Variants in DPYD observed in about 807,000 individuals in gnomAD.
DPYD encodes dihydropyrimidine dehydrogenase.
DPYD carries 109 observed loss-of-function variants against 116.2 expected under a neutral mutation model. The observed-to-expected ratio is 0.94, with a 90% CI of 0.80 to 1.10. The LOEUF (loss-of-function observed/expected upper bound fraction) is 1.10. Among genes scored for constraint, DPYD ranks in the 50% least tolerant of loss-of-function variants. DPYD has a pLI of 0.00. For synonymous variants in DPYD, 440 were observed against 432.0 expected (o/e 1.02, Z -0.23); for missense variants, 1,302 against 1,254.5 (o/e 1.04, Z -0.57).
chr1:97,320,004 C>T (rs1171486367), intron 16 of DPYD, among the ~76,000 whole-genome samples: 2 of 139,960 alleles, frequency 1.4e-5, no homozygotes, highest in African/African-American at 5.3e-5. Flanking sequence ...TCAATAGATG[C>T]AGAAAAGGCC....
intron 18 of DPYD, among the ~76,000 whole-genome samples, chr1:97,239,471 G>C (rs1352903324): frequency 6.6e-6 from 1 of 151,564 alleles, no homozygotes; most frequent in African/African-American, 2.4e-5. Flanking sequence ...AGCACCTATG[G>C]CTTTTTTTTT....
chr1:97,162,443 A>C (rs1219549282), intron 20 of DPYD, among the ~76,000 whole-genome samples: 2 of 152,186 alleles, frequency 1.3e-5, no homozygotes, highest in African/African-American at 4.8e-5. Flanking sequence ...GGACCTCTTC[A>C]AGGAGAACTA....
intron 20 of DPYD, among the ~76,000 whole-genome samples, chr1:97,142,787 A>T (rs542253623): frequency 1.5e-4 from 23 of 152,044 alleles, no homozygotes; most frequent in Non-Finnish European, 3.1e-4. Context: ...GCACTTGAAT[A>T]GTCTTGATTC....
At chr1:97,698,505 T>A (rs1661420566) in intron 6 of DPYD, among the ~76,000 whole-genome samples, 1 of 151,870 alleles carries the variant, frequency 6.6e-6, no homozygotes, top group South Asian at 2.1e-4. Flanking sequence ...CCTCTGTGAT[T>A]ATTGGGTATG....
intron 2 of DPYD, among the ~76,000 whole-genome samples, chr1:97,872,689 A>G (rs964980848): frequency 1.3e-5 from 2 of 151,998 alleles, no homozygotes; most frequent in Non-Finnish European, 2.9e-5. Flanking sequence ...AGCATATCAC[A>G]AACAAAGAAT....
At chr1:97,182,150 T>A (rs576715534) in intron 20 of DPYD, among the ~76,000 whole-genome samples, 1 of 152,120 alleles carries the variant, frequency 6.6e-6, no homozygotes, top group African/African-American at 2.4e-5. Flanking sequence ...ACTGATGAGA[T>A]GATCAGAAGC....
chr1:97,833,174 T>C (rs961059480), intron 2 of DPYD, among the ~76,000 whole-genome samples: 19 of 152,186 alleles, frequency 1.2e-4, no homozygotes, highest in Admixed American at 4.6e-4. Flanking sequence ...AGGAAACCAA[T>C]TTTAACAAAT....
intron 8 of DPYD, among the ~76,000 whole-genome samples, chr1:97,610,565 T>A (rs1655880981): frequency 6.6e-6 from 1 of 152,046 alleles, no homozygotes; most frequent in Non-Finnish European, 1.5e-5. Flanking sequence ...TGCTTCCAGG[T>A]CCTCTATTGA....
chr1:97,748,914 C>G (rs1230471646), intron 3 of DPYD, among the ~76,000 whole-genome samples: 2 of 152,162 alleles, frequency 1.3e-5, no homozygotes, highest in African/African-American at 4.8e-5. Context: ...ACACAATGTA[C>G]TGTGAAGCTT....
chr1:97,665,093 T>C (rs1047710983), intron 8 of DPYD, among the ~76,000 whole-genome samples: 9 of 152,146 alleles, frequency 5.9e-5, no homozygotes, highest in Non-Finnish European at 1.5e-5. Context: ...TCAGAAATTC[T>C]AGTAATATAG....
At chr1:97,712,893 T>C (rs1044940997) in intron 5 of DPYD, among the ~76,000 whole-genome samples, 1 of 152,100 alleles carries the variant, frequency 6.6e-6, no homozygotes, top group Non-Finnish European at 1.5e-5. Flanking sequence ...TTCTATGAGG[T>C]GGAGCTGAGT....
At chr1:97,778,631 T>A (rs1279384319) in intron 3 of DPYD, among the ~76,000 whole-genome samples, 1 of 152,166 alleles carries the variant, frequency 6.6e-6, no homozygotes, top group Admixed American at 6.5e-5. Context: ...TCTTAAAACA[T>A]GTAAACTCAC....
At position 97,399,261 on chromosome 1, in the gene DPYD, G is replaced by A. The variant is rs1399582452; in HGVS notation, c.1906-16800C>T. On this transcript the variant is annotated intron_variant, in intron 14 of 22. Coordinates refer to ENST00000370192, the MANE Select transcript of DPYD (RefSeq NM_000110.4). Reference sequence around the variant, plus strand: ...TGTCAAAGATCAGATAGTTGTAGATGTGTGGCATTATTTCTGAGGGCTCTG... The same window carrying A: ...TGTCAAAGATCAGATAGTTGTAGATATGTGGCATTATTTCTGAGGGCTCTG... Among the ~76,000 whole-genome samples, 23 of 152,072 alleles carry A rather than the reference G, an allele frequency of 1.5e-4. 1 individual carries two copies. Among genetic ancestry groups the A allele is most frequent in the Admixed American group, 6.6e-5 (1 of 15,252 alleles).
intron 4 of DPYD, among the ~76,000 whole-genome samples, chr1:97,728,487 T>G (rs899845848): frequency 1.3e-5 from 2 of 152,110 alleles, no homozygotes; most frequent in African/African-American, 4.8e-5. Context: ...CCCTGTCATA[T>G]GGTATAACTA....
intron 3 of DPYD, among the ~76,000 whole-genome samples, chr1:97,746,432 A>G (rs569674604): frequency 6.6e-6 from 1 of 152,252 alleles, no homozygotes; most frequent in South Asian, 2.1e-4. Flanking sequence ...AGCAAATAAA[A>G]TATCTTCATA....
At chr1:97,608,269 ATAACT>A (rs1021514178) in intron 8 of DPYD, among the ~76,000 whole-genome samples, 1 of 152,076 alleles carries the variant, frequency 6.6e-6, no homozygotes, top group Admixed American at 6.6e-5. Context: ...TAAAAGGGAC[ATAACT>A]TAATTTGTGT....
chr1:97,311,465 C>A (rs1288619247), intron 16 of DPYD, among the ~76,000 whole-genome samples: 1 of 151,664 alleles, frequency 6.6e-6, no homozygotes, highest in Non-Finnish European at 1.5e-5. Flanking sequence ...GGACAATGCT[C>A]ATTTAAACCA....
At chr1:97,179,722 T>C (rs1336645556) in intron 20 of DPYD, among the ~76,000 whole-genome samples, 2 of 152,094 alleles carry the variant, frequency 1.3e-5, no homozygotes, top group Non-Finnish European at 2.9e-5. Flanking sequence ...TCTGTGCGCA[T>C]TGTAGTCACA....
intron 20 of DPYD, among the ~76,000 whole-genome samples, chr1:97,099,099 A>G (rs965013984): frequency 1.3e-5 from 2 of 152,118 alleles, no homozygotes; most frequent in African/African-American, 4.8e-5. Flanking sequence ...TACTTCGCCA[A>G]AGTTCTCATC....
Sources: allele counts gnomAD v4.1 joint callset (sites outside exome capture counted in the v4.1 genomes callset), GRCh38; gene constraint gnomAD v4.1.1; transcripts MANE v1.5; gene names NCBI Gene and HGNC (gene_info 2026-07-23, HGNC 2026-07-21).